The following EHMT1 variants were observed in gnomAD, a reference collection of about 807,000 sequenced individuals.
EHMT1 encodes the protein histone-lysine N-methyltransferase EHMT1.
A neutral mutation model predicts 147.2 loss-of-function variants in EHMT1; 15 were observed. The ratio of observed to expected loss-of-function variants is 0.10; its 90% CI spans 0.07 to 0.16. The LOEUF (loss-of-function observed/expected upper bound fraction) is 0.16. Ranked by LOEUF, EHMT1 falls within the 10% of genes least tolerant of loss-of-function variation. The pLI is 1.00. For synonymous variants in EHMT1, 795 were observed against 709.6 expected (o/e 1.12, Z -1.91); for missense variants, 1,587 against 1,772.4 (o/e 0.90, Z 1.88).
intron 1 of EHMT1, among the ~76,000 whole-genome samples, chr9:137,631,064 C>T (rs774573884): frequency 1.3e-5 from 2 of 152,036 alleles, no homozygotes; most frequent in African/African-American, 2.4e-5. Flanking sequence ...ATTTTTTGAG[C>T]ATATAGGACA....
intron 2 of EHMT1, among the ~76,000 whole-genome samples, chr9:137,711,820 G>A (rs1944755967): frequency 6.6e-6 from 1 of 152,158 alleles, no homozygotes. Context: ...GGACCCATAA[G>A]GGTGGCGGCC....
chr9:137,713,777 C>G (rs1425334811), intron 2 of EHMT1, among the ~76,000 whole-genome samples: 2 of 151,512 alleles, frequency 1.3e-5, no homozygotes, highest in African/African-American at 4.8e-5. Context: ...TGGTGAAACC[C>G]CATCTCTACT....
Position 137,834,399 on chromosome 9 carries a change from G to C in EHMT1, c.3591G>C (p.Arg1197=). ...CGCGGTTCTACGGGAACGTCAGCCG[G>C]TTCATCAACCACCACTGCGAGCCCA... ...IDARFYGNVS[R]FINHHCEPNL... The change falls in exon 26 of 27, where the codon CGG becomes CGC. Residue 1197 remains arginine (R), a synonymous_variant. Coordinates refer to ENST00000460843, the MANE Select transcript of EHMT1 (RefSeq NM_024757.5). 6.2e-7 allele frequency: 1 copy of C among 1,613,308 alleles called. No individual in the cohort carries two copies. Among genetic ancestry groups the C allele is most frequent in the Non-Finnish European group, 8.5e-7 (1 of 1,179,820 alleles).
intron 1 of EHMT1, among the ~76,000 whole-genome samples, chr9:137,623,349 C>G (rs1344160489): frequency 2.0e-5 from 3 of 152,154 alleles, no homozygotes; most frequent in Non-Finnish European, 4.4e-5. Context: ...AACACACTCT[C>G]CGTTAGCTAG....
chr9:137,681,713 G>C (rs771322803), intron 1 of EHMT1, among the ~76,000 whole-genome samples: 6 of 151,990 alleles, frequency 3.9e-5, no homozygotes, highest in Admixed American at 3.3e-4. Context: ...CGAGGCATCC[G>C]AGTCTCCCCT....
At chr9:137,669,889 C>G (rs775115488) in intron 1 of EHMT1, among the ~76,000 whole-genome samples, 1 of 152,070 alleles carries the variant, frequency 6.6e-6, no homozygotes, top group East Asian at 1.9e-4. Context: ...CTTGCTCTGT[C>G]GCCCAGGGTG....
At chr9:137,791,341 CAT>C (rs1292199216) in intron 16 of EHMT1, among the ~76,000 whole-genome samples, 3 of 152,124 alleles carry the variant, frequency 2.0e-5, no homozygotes, top group African/African-American at 7.2e-5. Flanking sequence ...TCACAGATGA[CAT>C]GTTTTTATAT....
chr9:137,797,434 GTC>G (rs1382917379), intron 16 of EHMT1, among the ~76,000 whole-genome samples: 1 of 152,132 alleles, frequency 6.6e-6, no homozygotes, highest in East Asian at 1.9e-4. Flanking sequence ...GCTGGCGTCT[GTC>G]TCTCACCTGC....
intron 1 of EHMT1, among the ~76,000 whole-genome samples, chr9:137,669,376 T>TCAC (rs1564562595): frequency 1.7e-3 from 8 of 4,678 alleles, no homozygotes; most frequent in South Asian, 7.9e-3. Context: ...GCACGTGCAC[T>TCAC]GGACTCCACC....
Position 137,762,709 on chromosome 9 carries a change from C to A in EHMT1, c.1536C>A (p.Asp512Glu). 1 of 1,614,240 alleles carries A rather than the reference C, an allele frequency of 6.2e-7. No homozygotes were observed. The highest frequency in any genetic ancestry group is 1.1e-5 in the South Asian group (1 of 91,080). ...LANGPDVLET[D>E]GLQEVPLCSC... ...ACGGTCCAGATGTGCTGGAGACAGACGGCCTCCAGGAAGTGCCTCTCTGCA... is the reference window on the plus strand; with the variant it reads ...ACGGTCCAGATGTGCTGGAGACAGAAGGCCTCCAGGAAGTGCCTCTCTGCA... The change falls in exon 10 of 27, where the codon GAC becomes GAA. Residue 512 changes from aspartate (D) to glutamate (E), a missense_variant. By Grantham distance (45) the Asp-to-Glu change is conservative. Transcript: ENST00000460843.
In EHMT1 at chr9:137,705,752, A is replaced by G. The variant is rs546623653; in HGVS notation, c.22-5215A>G. Among the ~76,000 whole-genome samples the G allele has an allele frequency of 3.9e-5, 6 of 152,290 alleles. No homozygotes were observed. In the East Asian group the frequency reaches 1.2e-3, roughly 29 times the overall value. On this transcript the variant is annotated intron_variant, in intron 1 of 26. Transcript: ENST00000460843. ...CTCCCAGGGTAGGTTTGGAGTAGGC[A>G]CTGCACTCAGTCTCTTGTTGCTGTG...
rs561416561 is a variant in EHMT1, at chr9:137,757,077, TAC to T, written c.1370-798_1370-797del. ...GGAGTTAGATATTACCTGGTACAGG[TAC>T]ACACTTTCATAGGCCTCCTCAGTGA... is the stretch of plus-strand genomic sequence containing the variant. On this transcript the variant is annotated intron_variant, in intron 8 of 26. Coordinates refer to ENST00000460843, the MANE Select transcript of EHMT1 (RefSeq NM_024757.5). Among the ~76,000 whole-genome samples the T allele has an allele frequency of 4.6e-5, 7 of 152,378 alleles. No individual in the cohort carries two copies. The South Asian group carries it at 1.2e-3, about 27-fold the overall frequency.
intron 25 of EHMT1, 27 bp downstream of exon 25, chr9:137,818,165 A>C (rs1173933134): frequency 6.2e-7 from 1 of 1,611,466 alleles, no homozygotes; most frequent in Admixed American, 1.7e-5. Flanking sequence ...GGTTGGGGCC[A>C]CGCAGAACTT....
intron 1 of EHMT1, among the ~76,000 whole-genome samples, chr9:137,621,140 G>A (rs1052364990): frequency 2.0e-5 from 3 of 152,134 alleles, no homozygotes; most frequent in African/African-American, 7.2e-5. Context: ...GTTAATAAAA[G>A]CTCTGTTTTT....
chr9:137,754,072 A>G, intron 7 of EHMT1, 99 bp from the exon 8 acceptor site: 2 of 1,577,432 alleles, frequency 1.3e-6, no homozygotes, highest in South Asian at 2.2e-5. Context: ...ATCAAGACAT[A>G]GCCAGTGTTC....
intron 14 of EHMT1, among the ~76,000 whole-genome samples, chr9:137,781,553 G>A (rs1037030480): frequency 1.3e-5 from 2 of 152,196 alleles, no homozygotes; most frequent in Non-Finnish European, 2.9e-5. Context: ...GGACAAAGTA[G>A]GCTTCAGCTA....
chr9:137,816,613 G>C lies in EHMT1; in HGVS notation c.3374+551G>C, dbSNP rs1165117448. On this transcript the variant is annotated intron_variant, in intron 23 of 26. Coordinates refer to ENST00000460843, the MANE Select transcript of EHMT1 (RefSeq NM_024757.5). Reference sequence around the variant, plus strand: ...GCTGCGTCTCCTTTCCCTGGATTCTGGTCTTGAGCATTTCCTCCGCAAATG... The same window carrying C: ...GCTGCGTCTCCTTTCCCTGGATTCTCGTCTTGAGCATTTCCTCCGCAAATG... The C allele has an allele frequency of 3.5e-5, 6 of 173,132 alleles. 1 individual carries two copies. The highest frequency in any genetic ancestry group is 3.3e-4 in the Admixed American group (6 of 18,392). The allele number at this position is 173,132 out of a possible 1,614,324, so 10.7% of individuals were successfully genotyped here. A position where few individuals can be genotyped will look rare whatever the true frequency, so the allele number is the denominator to read the frequency against.
intron 25 of EHMT1, among the ~76,000 whole-genome samples, chr9:137,829,282 G>C (rs1483180698): frequency 6.6e-6 from 1 of 152,228 alleles, no homozygotes; most frequent in East Asian, 1.9e-4. Context: ...TTCCTTCAGA[G>C]ATTCCTTTTT....
chr9:137,825,840 G>T (rs188826286), intron 25 of EHMT1, among the ~76,000 whole-genome samples: 1 of 152,076 alleles, frequency 6.6e-6, no homozygotes, highest in African/African-American at 2.4e-5. Context: ...CTACACCGGC[G>T]GGGCTGCCCA....
Sources: gnomAD v4.1 joint callset for allele counts (sites outside exome capture counted in the v4.1 genomes callset) on GRCh38, gnomAD v4.1.1 for gene constraint, MANE v1.5 for transcripts, NCBI Gene and HGNC (gene_info 2026-07-23, HGNC 2026-07-21) for gene names.